IGF2BP2: variants seen among roughly 807,000 people sequenced by gnomAD.
IGF2BP2 encodes insulin-like growth factor 2 mRNA-binding protein 2.
A neutral mutation model predicts 75.8 loss-of-function variants in IGF2BP2; 17 were observed. That is an observed-to-expected ratio of 0.22 (90% CI 0.15 to 0.34). IGF2BP2 has a LOEUF of 0.34. Among genes scored for constraint, IGF2BP2 ranks in the 10% least tolerant of loss-of-function variants. The probability of loss-of-function intolerance (pLI) is 1.00; values close to 1 mark genes in which losing one functional copy is unlikely to be tolerated. For missense variants in IGF2BP2, 516 were observed against 772.4 expected (o/e 0.67, Z 3.93); for synonymous variants, 288 against 295.6 (o/e 0.97, Z 0.26).
At chr3:185,664,367 T>C (rs1297225587) in intron 10 of IGF2BP2, among the ~76,000 whole-genome samples, 1 of 152,190 alleles carries the variant, frequency 6.6e-6, no homozygotes, top group African/African-American at 2.4e-5. Context: ...CCCCTAAGGA[T>C]TGTAATTATG....
chr3:185,652,905 G>A (rs1253580079), intron 12 of IGF2BP2, among the ~76,000 whole-genome samples: 1 of 152,114 alleles, frequency 6.6e-6, no homozygotes, highest in African/African-American at 2.4e-5. Context: ...TCTACCTCCT[G>A]GGTTCAAGCG....
intron 2 of IGF2BP2, among the ~76,000 whole-genome samples, chr3:185,820,211 TGTGTGTATGTGTATATATACAC>T (rs1741161153): frequency 7.5e-6 from 1 of 133,710 alleles, no homozygotes; most frequent in Admixed American, 7.3e-5. Context: ...AGTATGTGTG[TGTGTGTATGTGTATATATACAC>T]ATACACACAC....
intron 2 of IGF2BP2, among the ~76,000 whole-genome samples, chr3:185,822,458 C>A (rs1400396367): frequency 6.6e-6 from 1 of 152,140 alleles, no homozygotes; most frequent in Non-Finnish European, 1.5e-5. Context: ...TGGAGAAATC[C>A]AACCTCCACA....
At position 185,645,755 on chromosome 3, in the gene IGF2BP2, C is replaced by T. The variant is rs551919363; in HGVS notation, c.1708-132G>A. Reference sequence around the variant, plus strand: ...TGCTCAGACAAGCATCATCTACCCACCCCCGCACGTTACTCCAGGCCCTTT... The same window carrying T: ...TGCTCAGACAAGCATCATCTACCCATCCCCGCACGTTACTCCAGGCCCTTT... On this transcript the variant is annotated intron_variant, in intron 15 of 15. Coordinates refer to ENST00000382199, the MANE Select transcript of IGF2BP2 (RefSeq NM_006548.6). This position sits in a 1 kb window ranked among gnomAD's most constrained non-coding sequence, Gnocchi z 4.9. 3.8e-5 allele frequency: 25 copies of T among 663,544 alleles called. No homozygotes were observed. The highest frequency in any genetic ancestry group is 6.0e-5 in the Non-Finnish European group (22 of 366,036). The allele number at this position is 663,544 out of a possible 1,614,324, so 41.1% of individuals were successfully genotyped here. A position where few individuals can be genotyped will look rare whatever the true frequency, so the allele number is the denominator to read the frequency against.
intron 2 of IGF2BP2, chr3:185,820,898 A>G (rs1052998465): frequency 4.8e-5 from 49 of 1,019,226 alleles, no homozygotes; most frequent in Non-Finnish European, 6.1e-5. Flanking sequence ...TATAGAATTG[A>G]CTTAACACTG....
Position 185,643,945 on chromosome 3 carries a change from T to C in IGF2BP2, c.*1586A>G, listed in dbSNP as rs1713081550. 6.6e-6 allele frequency: 1 copy of C among 151,922 alleles called. No homozygotes were observed. Among genetic ancestry groups the C allele is most frequent in the Non-Finnish European group, 1.5e-5 (1 of 67,918 alleles). The allele number at this position is 151,922 out of a possible 1,614,324, so 9.4% of individuals were successfully genotyped here. A position where few individuals can be genotyped will look rare whatever the true frequency, so the allele number is the denominator to read the frequency against. ...CTATTAAAATTCAGGACATCTCCAA[T>C]ATTCTCTCTCTCTGTTTTTCTTTGT... On this transcript the variant is annotated 3_prime_UTR_variant, in exon 16 of 16. Transcript: ENST00000382199.
At chr3:185,694,924 TAAAACTACA>T (rs1356561879) in intron 4 of IGF2BP2, among the ~76,000 whole-genome samples, 2 of 151,828 alleles carry the variant, frequency 1.3e-5, no homozygotes, top group African/African-American at 4.9e-5. Flanking sequence ...CTGTCTCTAC[TAAAACTACA>T]AAAATTAGCC....
At chr3:185,652,552 G>A (rs1173313676) in intron 12 of IGF2BP2, among the ~76,000 whole-genome samples, 1 of 152,176 alleles carries the variant, frequency 6.6e-6, no homozygotes, top group African/African-American at 2.4e-5. Context: ...AGGGAAGGAA[G>A]GGCAGGTCCA....
chr3:185,699,613 AAT>A (rs1275348875), intron 2 of IGF2BP2, among the ~76,000 whole-genome samples: 1 of 152,242 alleles, frequency 6.6e-6, no homozygotes, highest in African/African-American at 2.4e-5. Context: ...AGCAAATGTG[AAT>A]ATATATTCAT....
chr3:185,657,536 G>A lies in IGF2BP2; in HGVS notation c.1270-134C>T, dbSNP rs1560235905. 17 of 649,236 alleles carry A rather than the reference G, an allele frequency of 2.6e-5. No individual in the cohort carries two copies. The East Asian group carries it at 4.5e-4, about 17-fold the overall frequency. The allele number at this position is 649,236 out of a possible 1,614,324, so 40.2% of individuals were successfully genotyped here. The stretch of plus-strand genomic sequence containing the variant: ...GCCACCCAAGGAAATGGCCAAAATG[G>A]TGCACAGGATCCTTCTGCGGCCTGC... On this transcript the variant is annotated intron_variant, in intron 11 of 15. Coordinates refer to ENST00000382199, the MANE Select transcript of IGF2BP2 (RefSeq NM_006548.6).
intron 2 of IGF2BP2, among the ~76,000 whole-genome samples, chr3:185,760,038 T>TA (rs1237832034): frequency 1.3e-5 from 2 of 152,212 alleles, no homozygotes; most frequent in Non-Finnish European, 2.9e-5. Context: ...AGGATTTTTT[T>TA]AAAAATCACA....
At chr3:185,705,183 G>A (rs944643107) in intron 2 of IGF2BP2, among the ~76,000 whole-genome samples, 2 of 152,192 alleles carry the variant, frequency 1.3e-5, no homozygotes, top group South Asian at 4.1e-4. Flanking sequence ...TGCAACCTCC[G>A]CCTCCCAGGT....
At chr3:185,676,339 A>G (rs1719345223) in intron 7 of IGF2BP2, among the ~76,000 whole-genome samples, 1 of 152,184 alleles carries the variant, frequency 6.6e-6, no homozygotes, top group African/African-American at 2.4e-5. Context: ...TGAGAACTCT[A>G]AAGATCAGCT....
At chr3:185,741,108 C>T (rs1221483622) in intron 2 of IGF2BP2, among the ~76,000 whole-genome samples, 2 of 152,060 alleles carry the variant, frequency 1.3e-5, no homozygotes, top group Non-Finnish European at 2.9e-5. Flanking sequence ...CTCCTGACCT[C>T]GTGATCCACC....
intron 2 of IGF2BP2, among the ~76,000 whole-genome samples, chr3:185,820,845 C>A (rs970537175): frequency 3.9e-5 from 6 of 152,314 alleles, no homozygotes; most frequent in African/African-American, 1.2e-4. Context: ...TGAGGATGAA[C>A]TATTTTCTTC....
intron 10 of IGF2BP2, among the ~76,000 whole-genome samples, chr3:185,658,889 T>G (rs370434651): frequency 2.6e-5 from 4 of 152,084 alleles, no homozygotes; most frequent in African/African-American, 9.7e-5. Context: ...CCTGGGCAGA[T>G]AGATCAGTCA....
At chr3:185,689,909 A>G (rs1721706233) in intron 5 of IGF2BP2, among the ~76,000 whole-genome samples, 1 of 149,354 alleles carries the variant, frequency 6.7e-6, no homozygotes, top group African/African-American at 2.5e-5. Flanking sequence ...CGGAGCTTGC[A>G]GTGAGCCGAG....
At chr3:185,694,955 C>T (rs541467376) in intron 4 of IGF2BP2, among the ~76,000 whole-genome samples, 3 of 152,172 alleles carry the variant, frequency 2.0e-5, no homozygotes, top group East Asian at 1.9e-4. Flanking sequence ...GGCATGGTGG[C>T]GCTCACCTAT....
chr3:185,676,903 G>T (rs1253485594), intron 7 of IGF2BP2, among the ~76,000 whole-genome samples: 1 of 140,768 alleles, frequency 7.1e-6, no homozygotes, highest in African/African-American at 2.6e-5. Context: ...ATTTACTGGA[G>T]ATATATATAT....
Sources: allele counts gnomAD v4.1 joint callset (sites outside exome capture counted in the v4.1 genomes callset), GRCh38; gene constraint gnomAD v4.1.1; non-coding constraint Gnocchi (gnomAD v3.1); transcripts MANE v1.5; gene names NCBI Gene and HGNC (gene_info 2026-07-23, HGNC 2026-07-21).